COMMD5: variants seen among roughly 807,000 people sequenced by gnomAD.
COMMD5 encodes COMM domain-containing protein 5.
Under a neutral mutation model 6.9 loss-of-function variants are expected in COMMD5, and 10 were observed. The ratio of observed to expected loss-of-function variants is 1.44; its 90% CI spans 0.89 to 2.45. The LOEUF (loss-of-function observed/expected upper bound fraction) is 2.45. Ranked by LOEUF, COMMD5 falls within the 30% of genes most tolerant of loss-of-function variation. COMMD5 has a pLI of 0.00. For missense variants in COMMD5, 234 were observed against 287.8 expected (o/e 0.81, Z 1.35); for synonymous variants, 127 against 125.3 (o/e 1.01, Z -0.09).
chr8:144,839,674 G>A (rs765417093), downstream of COMMD5, among the ~76,000 whole-genome samples: 15 of 152,250 alleles, frequency 9.9e-5, no homozygotes, highest in Non-Finnish European at 2.1e-4. Context: ...GGGCAGGGAT[G>A]TAGCCTCTTA....
downstream of COMMD5, chr8:144,846,408 TTGAC>T (rs1230675093): frequency 9.7e-6 from 5 of 513,162 alleles, no homozygotes; most frequent in African/African-American, 1.9e-5. Flanking sequence ...AAAATCGAAT[TTGAC>T]TGTGCACAGT....
At chr8:144,838,518 C>T (rs562287638), downstream of COMMD5, 7 of 196,394 alleles carry the variant, frequency 3.6e-5, no homozygotes, top group African/African-American at 1.4e-4. Flanking sequence ...AAAGGAAGCC[C>T]CTCACCTCCC....
chr8:144,839,588 C>CA (rs1350524707), downstream of COMMD5, among the ~76,000 whole-genome samples: 7 of 152,192 alleles, frequency 4.6e-5, no homozygotes, highest in Non-Finnish European at 7.3e-5. Flanking sequence ...AAAGCAACAA[C>CA]AAAAAAATAG....
chr8:144,840,503 C>T (rs1829744557), downstream of COMMD5, among the ~76,000 whole-genome samples: 1 of 152,178 alleles, frequency 6.6e-6, no homozygotes, highest in Non-Finnish European at 1.5e-5. Flanking sequence ...CCGTGGTTGT[C>T]ATGATCATAG....
At position 144,851,399 on chromosome 8, in the gene COMMD5, G is replaced by C; in HGVS notation, c.-57-4C>G. ...GGTCGGTCCCAGATGCAGATGCCTA[G>C]AGTGGGGTGGAGGAGAGAAGACCAG... is the stretch of plus-strand genomic sequence containing the variant. On this transcript the variant is annotated splice_polypyrimidine_tract_variant and splice_region_variant and intron_variant, in intron 1 of 1. Coordinates refer to ENST00000305103, the MANE Select transcript of COMMD5 (RefSeq NM_014066.4). 1.3e-6 allele frequency: 2 copies of C among 1,539,608 alleles called. No individual in the cohort carries two copies. Among genetic ancestry groups the C allele is most frequent in the Non-Finnish European group, 1.8e-6 (2 of 1,134,194 alleles).
At chr8:144,848,632 C>T (rs1174373247), downstream of COMMD5, among the ~76,000 whole-genome samples, 4 of 152,188 alleles carry the variant, frequency 2.6e-5, no homozygotes, top group Non-Finnish European at 5.9e-5. Context: ...TACTCTCTGG[C>T]CCTTTGTGGG....
At chr8:144,842,486 A>G in intron 1 of COMMD5, 1 of 1,614,216 alleles carries the variant, frequency 6.2e-7, no homozygotes, top group Non-Finnish European at 8.5e-7. Context: ...ATTCGCCATC[A>G]GAGAACTCAC....
downstream of COMMD5, chr8:144,846,049 T>C (rs968966003): frequency 8.5e-6 from 13 of 1,536,538 alleles, no homozygotes; most frequent in Middle Eastern, 1.7e-4. Flanking sequence ...CTCCTGTTCC[T>C]GGCCTTCCAA....
intron 1 of COMMD5, chr8:144,842,824 A>G: frequency 6.2e-7 from 1 of 1,614,218 alleles, no homozygotes; most frequent in Non-Finnish European, 8.5e-7. Flanking sequence ...CCAACACCAG[A>G]TAATTCATGC....
Position 144,841,269 on chromosome 8 carries a change from C to T in COMMD5, c.*591G>A, listed in dbSNP as rs1359347101. 27 of 1,385,338 alleles carry T rather than the reference C, an allele frequency of 1.9e-5. 1 individual carries two copies. In the East Asian group the frequency reaches 5.7e-4, roughly 29 times the overall value. 85.8% of individuals were successfully genotyped at this position (1,385,338 alleles called of 1,614,324 possible). A position where few individuals can be genotyped will look rare whatever the true frequency, so the allele number is the denominator to read the frequency against. On this transcript the variant is annotated 3_prime_UTR_variant and NMD_transcript_variant, in exon 2 of 2. Coordinates refer to the COMMD5 transcript ENST00000530332. ...GTGCTCAGTGCAACTATCCTGGGAG[C>T]CTTGAGCCCTGGCCCCCGCATTTGT...
chr8:144,845,685 GGGAACCT>G (rs1490478394), downstream of COMMD5, among the ~76,000 whole-genome samples: 2 of 152,126 alleles, frequency 1.3e-5, no homozygotes, highest in African/African-American at 4.8e-5. Context: ...GTCATTCAGG[GGGAACCT>G]GGAACTCCTG....
rs1184327186 is a variant in COMMD5 at position 144,852,854 on chromosome 8, C to T, written c.-73G>A. 6.6e-6 allele frequency: 1 copy of T among 152,402 alleles called. No individual in the cohort carries two copies. The highest frequency in any genetic ancestry group is 1.9e-4 in the East Asian group (1 of 5,182). The allele number at this position is 152,402 out of a possible 1,614,324, so 9.4% of individuals were successfully genotyped here. A position where few individuals can be genotyped will look rare whatever the true frequency, so the allele number is the denominator to read the frequency against. ...GCCAACCTACCGGCGGGCGCTCCTCCGCGGAAAAGCCCCGCAGTATCCAGA... is the reference window on the plus strand; with the variant it reads ...GCCAACCTACCGGCGGGCGCTCCTCTGCGGAAAAGCCCCGCAGTATCCAGA... On this transcript the variant is annotated 5_prime_UTR_variant, in exon 1 of 2. Transcript: ENST00000305103.
In COMMD5 at chr8:144,841,581, G is replaced by A. The variant is rs149778887; in HGVS notation, c.*279C>T. The A allele has an allele frequency of 1.9e-5, 30 of 1,614,176 alleles. No homozygotes were observed. In the African/African-American group the frequency reaches 3.3e-4, roughly 18 times the overall value. The stretch of plus-strand genomic sequence containing the variant: ...ATAACTGTTTGAATGAGGAGACTGT[G>A]GTTCCCAAGACCTTCACCAAGGACG... On this transcript the variant is annotated 3_prime_UTR_variant and NMD_transcript_variant, in exon 2 of 2. Coordinates refer to the COMMD5 transcript ENST00000530332.
intron 1 of COMMD5, among the ~76,000 whole-genome samples, chr8:144,852,001 T>G (rs1830768672): frequency 6.6e-6 from 1 of 151,438 alleles, no homozygotes; most frequent in African/African-American, 2.4e-5. Flanking sequence ...TAGCCAGGCG[T>G]GGTGGTGCAC....
chr8:144,844,706 T>TATC (rs1830398617), intron 1 of COMMD5, among the ~76,000 whole-genome samples: 1 of 88,852 alleles, frequency 1.1e-5, no homozygotes, highest in African/African-American at 5.6e-5. Context: ...TGTGACTCTG[T>TATC]ATCAAAAAAA....
intron 1 of COMMD5, chr8:144,842,630 A>G (rs758287767): frequency 1.2e-6 from 2 of 1,614,106 alleles, no homozygotes; most frequent in East Asian, 2.2e-5. Flanking sequence ...GCCTTCAGTC[A>G]GAGTTCCAGC....
chr8:144,843,404 A>AC (rs780796625), intron 1 of COMMD5: 220 of 417,796 alleles, frequency 5.3e-4, no homozygotes, highest in East Asian at 1.2e-3. Flanking sequence ...CCTGGGTAAC[A>AC]GGTGAAACCC....
At chr8:144,846,775 T>G (rs1367349853), downstream of COMMD5, 1 of 152,246 alleles carries the variant, frequency 6.6e-6, no homozygotes, top group Non-Finnish European at 1.5e-5. Context: ...CTCGGCTCAC[T>G]GCAAGCTCCG....
At chr8:144,842,950 G>T in intron 1 of COMMD5, 1 of 1,614,188 alleles carries the variant, frequency 6.2e-7, no homozygotes, top group Non-Finnish European at 8.5e-7. Flanking sequence ...ATATGGGAAT[G>T]CCCTGGAAGG....
Sources: gnomAD v4.1 joint callset for allele counts (sites outside exome capture counted in the v4.1 genomes callset) on GRCh38, gnomAD v4.1.1 for gene constraint, MANE v1.5 for transcripts, NCBI Gene and HGNC (gene_info 2026-07-23, HGNC 2026-07-21) for gene names.